The following ABCB10 variants were observed in gnomAD, a reference collection of about 807,000 sequenced individuals.
ABCB10 encodes the protein ATP binding cassette subfamily B member 10, also known as ATP-binding cassette sub-family B member 10, mitochondrial.
Under a neutral mutation model 65.4 loss-of-function variants are expected in ABCB10, and 54 were observed. The observed-to-expected ratio is 0.83, with a 90% CI of 0.66 to 1.04. ABCB10 has a LOEUF of 1.04. Among genes scored for constraint, ABCB10 ranks in the 50% least tolerant of loss-of-function variants. The pLI is 0.00. For missense variants in ABCB10, 846 were observed against 976.6 expected, an observed-to-expected ratio of 0.87 and a Z score of 1.78; for synonymous variants, 418 against 406.5, an observed-to-expected ratio of 1.03 and a Z score of -0.34.
intron 4 of ABCB10, 131 bp downstream of exon 4, chr1:229,542,106 G>T: frequency 8.2e-7 from 1 of 1,225,962 alleles, no homozygotes. Context: ...GGATCTTGGG[G>T]TAATTTCTAA....
intron 10 of ABCB10, among the ~76,000 whole-genome samples, chr1:229,524,148 A>C (rs575170229): frequency 2.5e-3 from 383 of 151,956 alleles, no homozygotes; most frequent in African/African-American, 9.0e-3. Context: ...CTGCTCAAAC[A>C]GAGACAAGTT....
chr1:229,527,232 A>ACTCACTG lies in ABCB10; in HGVS notation c.1715_1721dup (p.Gln575SerfsTer14). The ACTCACTG allele has an allele frequency of 6.2e-7, 1 of 1,613,422 alleles. No individual in the cohort carries two copies. The highest frequency in any genetic ancestry group is 8.5e-7 in the Non-Finnish European group (1 of 1,179,618). On this transcript the variant is annotated frameshift_variant, in exon 9 of 13. Transcript: ENST00000344517. LOFTEE classifies it high-confidence loss of function. ...AAATGGAAGCCTCTCTTCTTACCTG[A>ACTCACTG]CTCACTGTCCCAATTTTGGATCTCA...
In ABCB10 at chr1:229,542,272, T is replaced by G; in HGVS notation, c.1021A>C (p.Lys341Gln). ...TGTGCCAGGGAATCCTGAGTGACTT[T>G]GGTCAGTTTCCGTAGATATCGCCCA... ...IYGRYLRKLT[K>Q]VTQDSLAQAT... Residue 341 changes from lysine (K) to glutamine (Q), a missense_variant, in exon 4 of 13, where the codon AAA (lysine) becomes CAA (glutamine). Physicochemically the swap from Lys to Gln is moderately conservative, Grantham distance 53. This residue lies in a region of ABCB10 where 632 missense variants were observed against 803.2 expected (regional missense o/e 0.79). Coordinates refer to ENST00000344517, the MANE Select transcript of ABCB10 (RefSeq NM_012089.3). 6.2e-7 allele frequency: 1 copy of G among 1,614,096 alleles called. No homozygotes were observed. Among genetic ancestry groups the G allele is most frequent in the Non-Finnish European group, 8.5e-7 (1 of 1,180,014 alleles).
At chr1:229,543,982 T>G (rs1200590543) in intron 3 of ABCB10, among the ~76,000 whole-genome samples, 1 of 152,200 alleles carries the variant, frequency 6.6e-6, no homozygotes, top group Non-Finnish European at 1.5e-5. Flanking sequence ...GTGTCCTCTG[T>G]GTAGGGCAGG....
At chr1:229,530,177 TA>T in intron 8 of ABCB10, 21 bp downstream of exon 8, 3 of 1,612,498 alleles carry the variant, frequency 1.9e-6, no homozygotes, top group Non-Finnish European at 2.5e-6. Context: ...CCCTCGGTGC[TA>T]CAGTGTGGTG....
At chr1:229,527,175 G>T in intron 9 of ABCB10, 54 bp downstream of exon 9, 179 of 1,362,948 alleles carry the variant, frequency 1.3e-4, no homozygotes, top group Middle Eastern at 4.4e-4. Flanking sequence ...AAAAGCAAAA[G>T]ACAAAAGTAA....
chr1:229,523,995 T>A (rs1352256380), intron 10 of ABCB10, among the ~76,000 whole-genome samples: 3 of 151,600 alleles, frequency 2.0e-5, no homozygotes, highest in Admixed American at 6.6e-5. Context: ...ATATATATAT[T>A]TTAAATCATA....
At chr1:229,551,675 G>A (rs550535526) in intron 1 of ABCB10, among the ~76,000 whole-genome samples, 1 of 152,272 alleles carries the variant, frequency 6.6e-6, no homozygotes, top group South Asian at 2.1e-4. Flanking sequence ...TAAAGCCCGG[G>A]GTCTTGTTTC....
Position 229,540,740 on chromosome 1 carries a change from G to A in ABCB10, c.1069C>T (p.Arg357Cys), listed in dbSNP as rs1345839575. The change falls in exon 5 of 13, where the codon CGT becomes TGT. Residue 357 changes from arginine (R) to cysteine (C), a missense_variant. By Grantham distance (180) the Arg-to-Cys change is radical. This residue lies in a region of ABCB10 where 632 missense variants were observed against 803.2 expected (regional missense o/e 0.79). Coordinates refer to ENST00000344517, the MANE Select transcript of ABCB10 (RefSeq NM_012089.3). The stretch of plus-strand genomic sequence containing the variant: ...CGAACAGTTCTTACATTTCCAATAC[G>A]TTCCTCAGCTAGCTGGGAGAATAAT... ...LAQATQLAEE[R>C]IGNVRTVRAF... The A allele has an allele frequency of 9.9e-6, 16 of 1,612,286 alleles. No individual in the cohort carries two copies. The highest frequency in any genetic ancestry group is 1.7e-5 in the Admixed American group (1 of 59,782).
At chr1:229,519,514 G>A (rs972202181) in intron 11 of ABCB10, among the ~76,000 whole-genome samples, 6 of 152,320 alleles carry the variant, frequency 3.9e-5, no homozygotes, top group East Asian at 1.9e-4. Context: ...ATGGCCGGAC[G>A]TGGTGGCTCA....
Position 229,526,077 on chromosome 1 carries a change from C to T in ABCB10, c.1765G>A (p.Ala589Thr). The change falls in exon 10 of 13, where the codon GCT becomes ACT. Residue 589 changes from alanine (A) to threonine (T), a missense_variant. Ala to Thr is a moderately conservative substitution (Grantham distance 58, BLOSUM62 0). This residue lies in a region of ABCB10 where 632 missense variants were observed against 803.2 expected (regional missense o/e 0.79). Coordinates refer to ENST00000344517, the MANE Select transcript of ABCB10 (RefSeq NM_012089.3). ...LFSCSIAENI[A>T]YGADDPSSVT... is the part of the protein sequence containing the mutation. ...GAGGAAGGGTCATCAGCACCATAAG[C>T]AATGTTCTCAGCAATAGAGCAAGAA... 1 of 1,613,960 alleles carries T rather than the reference C, an allele frequency of 6.2e-7. No individual in the cohort carries two copies.
chr1:229,536,692 A>T (rs1662728727), intron 6 of ABCB10, among the ~76,000 whole-genome samples: 1 of 152,230 alleles, frequency 6.6e-6, no homozygotes, highest in South Asian at 2.1e-4. Flanking sequence ...GCGGTGGCTC[A>T]TGCCTGTCAT....
In ABCB10 at chr1:229,518,313, T is replaced by C. The variant is rs781455022; in HGVS notation, c.2083A>G (p.Ile695Val). 15 of 1,614,240 alleles carry C rather than the reference T, an allele frequency of 9.3e-6. No homozygotes were observed. The highest frequency in any genetic ancestry group is 2.7e-5 in the African/African-American group (2 of 75,056). The change falls in exon 13 of 13, where the codon ATT becomes GTT. Residue 695 changes from isoleucine to valine, a missense_variant. Physicochemically the swap from Ile to Val is conservative, Grantham distance 29. Around this residue, in one of 2 missense-constraint regions of ABCB10, gnomAD observed 632 missense variants for 803.2 expected, o/e 0.79. Coordinates refer to ENST00000344517, the MANE Select transcript of ABCB10 (RefSeq NM_012089.3). The part of the protein sequence containing the change: ...VLVIAHRLST[I>V]KNANMVAVLD... ...ACAGCAACCATATTAGCATTCTTAA[T>C]GGTGGACAGACGATGGGCAATAACT...
intron 8 of ABCB10, among the ~76,000 whole-genome samples, chr1:229,528,768 T>A (rs1662501054): frequency 6.6e-6 from 1 of 152,032 alleles, no homozygotes; most frequent in African/African-American, 2.4e-5. Flanking sequence ...CCTCAAGTGA[T>A]CCTCCCACCT....
Position 229,558,222 on chromosome 1 carries a change from T to A in ABCB10, c.431A>T (p.Lys144Met), listed in dbSNP as rs764848610. ...RRGPAAPPGD[K>M]GRLRPAAAGL... ...GGCCGCTGCGGGGCGCAGCCGCCCCTTGTCCCCGGGAGGCGCCGCCGGCCC... is the reference window on the plus strand; with the variant it reads ...GGCCGCTGCGGGGCGCAGCCGCCCCATGTCCCCGGGAGGCGCCGCCGGCCC... Residue 144 changes from lysine (K) to methionine (M), a missense_variant, in exon 1 of 13, where the codon AAG (lysine) becomes ATG (methionine). Physicochemically the swap from Lys to Met is moderately conservative, Grantham distance 95 (BLOSUM62 -1). Around this residue, in one of 2 missense-constraint regions of ABCB10, gnomAD observed 632 missense variants for 803.2 expected, o/e 0.79. Transcript: ENST00000344517. 1.5e-5 allele frequency: 21 copies of A among 1,383,888 alleles called. No homozygotes were observed. The highest frequency in any genetic ancestry group is 2.0e-5 in the Non-Finnish European group (21 of 1,070,578). 85.7% of individuals were successfully genotyped at this position (1,383,888 alleles called of 1,614,324 possible).
chr1:229,531,634 A>G lies in ABCB10; in HGVS notation c.1435+2T>C. 1 of 1,613,518 alleles carries G rather than the reference A, an allele frequency of 6.2e-7. No homozygotes were observed. Among genetic ancestry groups the G allele is most frequent in the Non-Finnish European group, 8.5e-7 (1 of 1,179,704 alleles). ...TAGCAAAGAAACAATTTTCAGACCC[A>G]CCGTTAAAAGGCAGCTTGGGCTCTC... On this transcript the variant is annotated splice_donor_variant, in intron 7 of 12. Transcript: ENST00000344517. LOFTEE classifies it high-confidence loss of function.
At chr1:229,540,466 G>C in intron 5 of ABCB10, 140 bp downstream of exon 5, 1 of 883,768 alleles carries the variant, frequency 1.1e-6, no homozygotes, top group South Asian at 2.2e-5. Context: ...ATATTTTAAA[G>C]AAAGTCATTC....
At chr1:229,553,951 G>T (rs973265037) in intron 1 of ABCB10, among the ~76,000 whole-genome samples, 2 of 152,232 alleles carry the variant, frequency 1.3e-5, no homozygotes, top group Non-Finnish European at 2.9e-5. Flanking sequence ...GAGTACACAA[G>T]AAATATTAAC....
intron 6 of ABCB10, 115 bp from the exon 7 acceptor site, chr1:229,531,846 T>A (rs1662592466): frequency 1.3e-6 from 1 of 776,962 alleles, no homozygotes; most frequent in Non-Finnish European, 1.9e-6. Flanking sequence ...GTTATTAATA[T>A]TTTCAAAAAA....
Sources: gnomAD v4.1 joint callset for allele counts (sites outside exome capture counted in the v4.1 genomes callset) on GRCh38, gnomAD v4.1.1 for gene constraint, gnomAD v4.1.1 regional missense constraint, MANE v1.5 for transcripts, NCBI Gene and HGNC (gene_info 2026-07-23, HGNC 2026-07-21) for gene names.